The following TRMT11 variants were observed in gnomAD, a reference collection of about 807,000 sequenced individuals.
The protein encoded by TRMT11 is tRNA methyltransferase 11, also known as tRNA (guanine(10)-N(2))-methyltransferase TRMT11.
A neutral mutation model predicts 62.8 loss-of-function variants in TRMT11; 53 were observed. The observed-to-expected ratio is 0.84, with a 90% confidence interval of 0.68 to 1.06. TRMT11 has a LOEUF of 1.06. Among genes scored for constraint, TRMT11 ranks in the 50% least tolerant of loss-of-function variants. The pLI, the probability that TRMT11 is intolerant of heterozygous loss-of-function variation, is 0.00. For synonymous variants in TRMT11, 188 were observed against 190.3 expected (o/e 0.99, Z 0.10); for missense variants, 556 against 553.4 (o/e 1.00, Z -0.05).
At chr6:126,034,147 A>T (rs1420819983) in intron 12 of TRMT11, among the ~76,000 whole-genome samples, 21 of 152,078 alleles carry the variant, frequency 1.4e-4, no homozygotes, top group Admixed American at 1.4e-3. Flanking sequence ...AGAGAATCAC[A>T]ATGGGAAAAA....
chr6:126,239,946 A>G, the TRMT11 span, among the ~76,000 whole-genome samples: 1 of 151,734 alleles, frequency 6.6e-6, no homozygotes, highest in Non-Finnish European at 1.5e-5. Context: ...TTCTTGCTTC[A>G]TTTCATTCAT....
chr6:126,078,606 G>A (rs1777087429), intron 17 of TRMT11, among the ~76,000 whole-genome samples: 1 of 152,174 alleles, frequency 6.6e-6, no homozygotes, highest in Non-Finnish European at 1.5e-5. Context: ...TTTACTCAAG[G>A]TTAGAGAGTC....
At chr6:126,010,419 T>G (rs921054625) in intron 8 of TRMT11, among the ~76,000 whole-genome samples, 1 of 152,070 alleles carries the variant, frequency 6.6e-6, no homozygotes, top group African/African-American at 2.4e-5. Context: ...ACACTGCATG[T>G]TTTTCAGAGT....
At chr6:126,197,299 G>A (rs945762681) in intron 1 of TRMT11, among the ~76,000 whole-genome samples, 18 of 151,756 alleles carry the variant, frequency 1.2e-4, no homozygotes, top group South Asian at 2.1e-4. Flanking sequence ...CTTTTGCTTC[G>A]TCTTTTAGGA....
intron 1 of TRMT11, among the ~76,000 whole-genome samples, chr6:126,195,794 A>C (rs539911345): frequency 2.6e-5 from 4 of 152,334 alleles, no homozygotes; most frequent in Non-Finnish European, 5.9e-5. Context: ...CCAATGAGAC[A>C]TGAAGGGAAG....
chr6:126,244,761 C>T, the TRMT11 span, among the ~76,000 whole-genome samples: 2 of 152,142 alleles, frequency 1.3e-5, no homozygotes, highest in Non-Finnish European at 2.9e-5. Context: ...AACTATCAGT[C>T]AATAACAGGT....
chr6:126,020,271 A>C (rs1795630122), intron 11 of TRMT11, among the ~76,000 whole-genome samples: 1 of 152,232 alleles, frequency 6.6e-6, no homozygotes, highest in Non-Finnish European at 1.5e-5. Context: ...AAAAAATTGC[A>C]AAGGAAAAAT....
At chr6:126,177,402 T>C (rs1478402506) in intron 1 of TRMT11, 1 of 152,202 alleles carries the variant, frequency 6.6e-6, no homozygotes, top group African/African-American at 2.4e-5. Context: ...ACTCTACTTC[T>C]CCATTTGCTA....
intron 17 of TRMT11, among the ~76,000 whole-genome samples, chr6:126,087,973 A>T (rs1302154310): frequency 1.3e-5 from 2 of 152,172 alleles, no homozygotes; most frequent in Admixed American, 6.6e-5. Context: ...GTTATCTCTA[A>T]TGATGTTTTT....
intron 6 of TRMT11, among the ~76,000 whole-genome samples, chr6:125,998,949 GTT>G (rs200462747): frequency 1.1e-4 from 15 of 138,602 alleles, no homozygotes; most frequent in African/African-American, 3.1e-4. Flanking sequence ...CATCTGGACT[GTT>G]TTTTTTTTTT....
chr6:126,021,796 T>A (rs1459457875), intron 12 of TRMT11, among the ~76,000 whole-genome samples: 1 of 152,202 alleles, frequency 6.6e-6, no homozygotes, highest in Non-Finnish European at 1.5e-5. Context: ...AAATTCATAC[T>A]CTCTTACATA....
chr6:125,992,745 C>T (rs1478989778), intron 1 of TRMT11, among the ~76,000 whole-genome samples: 2 of 152,186 alleles, frequency 1.3e-5, no homozygotes, highest in Non-Finnish European at 1.5e-5. Flanking sequence ...CATGATGTCT[C>T]CTATTCAGAT....
chr6:126,133,563 C>A (rs539337572), intron 21 of TRMT11, among the ~76,000 whole-genome samples: 1 of 152,078 alleles, frequency 6.6e-6, no homozygotes, highest in South Asian at 2.1e-4. Flanking sequence ...ATCCTCAGCA[C>A]CTTCAGAGCC....
At chr6:126,092,079 G>A (rs898732225) in intron 17 of TRMT11, among the ~76,000 whole-genome samples, 9 of 152,088 alleles carry the variant, frequency 5.9e-5, no homozygotes, top group East Asian at 3.9e-4. Context: ...AATATAAAAC[G>A]GCCAGTTAAG....
intron 21 of TRMT11, among the ~76,000 whole-genome samples, chr6:126,133,634 G>A (rs1777814264): frequency 6.6e-6 from 1 of 151,884 alleles, no homozygotes; most frequent in African/African-American, 2.4e-5. Context: ...CAATATAGTG[G>A]GATTTCCCTT....
At chr6:126,138,098 T>C (rs1157521639) in intron 21 of TRMT11, among the ~76,000 whole-genome samples, 1 of 151,856 alleles carries the variant, frequency 6.6e-6, no homozygotes, top group Non-Finnish European at 1.5e-5. Context: ...TCAAAATAGC[T>C]AGAAAAGAAG....
chr6:126,115,556 G>A (rs1191927810), intron 20 of TRMT11, among the ~76,000 whole-genome samples: 1 of 152,044 alleles, frequency 6.6e-6, no homozygotes, highest in Non-Finnish European at 1.5e-5. Context: ...CCCTGCCCAA[G>A]TCTGAAAATA....
Position 126,011,266 on chromosome 6 carries a change from GA to G in TRMT11, c.779del (p.Asn260ThrfsTer20). ...CTTTCCCTTCAGGAAAGGCTACTAG[GA>G]AAAACCAGAAGTGGAGAGGACCAGA... is the stretch of plus-strand genomic sequence containing the variant. ...TVHGLGKATR[K>X]NQKWRGPDEN... On this transcript the variant is annotated frameshift_variant, in exon 9 of 13. Transcript: ENST00000334379. LOFTEE classifies it high-confidence loss of function. 6.2e-7 allele frequency: 1 copy of G among 1,611,628 alleles called. No homozygotes were observed. Among genetic ancestry groups the G allele is most frequent in the East Asian group, 2.2e-5 (1 of 44,800 alleles).
intron 21 of TRMT11, among the ~76,000 whole-genome samples, chr6:126,141,381 G>A (rs1326480975): frequency 6.6e-6 from 1 of 152,098 alleles, no homozygotes; most frequent in Non-Finnish European, 1.5e-5. Flanking sequence ...AAGTATTTGT[G>A]TTTTCACACA....
Sources: allele counts gnomAD v4.1 joint callset (sites outside exome capture counted in the v4.1 genomes callset), GRCh38; gene constraint gnomAD v4.1.1; transcripts MANE v1.5; gene names NCBI Gene and HGNC (gene_info 2026-07-23, HGNC 2026-07-21).